The following ITPKB variants were observed in gnomAD, a reference collection of about 807,000 sequenced individuals.
ITPKB encodes the protein inositol-trisphosphate 3-kinase B.
Under a neutral mutation model 69.4 loss-of-function variants are expected in ITPKB, and 13 were observed. That is an observed-to-expected ratio of 0.19 (90% CI 0.12 to 0.30). The LOEUF (loss-of-function observed/expected upper bound fraction) is 0.30. ITPKB is among the 10% of genes least tolerant of loss of function. The pLI, the probability that ITPKB is intolerant of heterozygous loss-of-function variation, is 1.00. For missense variants in ITPKB, 1,240 were observed against 1,250.5 expected (o/e 0.99, Z 0.13); for synonymous variants, 584 against 513.7 (o/e 1.14, Z -1.85).
At chr1:226,636,838 C>T (rs1000257321) in intron 7 of ITPKB, among the ~76,000 whole-genome samples, 2 of 151,612 alleles carry the variant, frequency 1.3e-5, no homozygotes, top group African/African-American at 4.9e-5. Flanking sequence ...TGGGTGTGCA[C>T]ACAAAAATGT....
At position 226,738,128 on chromosome 1, in the gene ITPKB, G is replaced by C. The variant is rs1657866220; in HGVS notation, c.-205-465C>G. 6.6e-6 allele frequency among the ~76,000 whole-genome samples: 1 copy of C among 152,118 alleles called. No individual in the cohort carries two copies. The highest frequency in any genetic ancestry group is 2.4e-5 in the African/African-American group (1 of 41,428). On this transcript the variant is annotated intron_variant, in intron 1 of 7. Coordinates refer to ENST00000429204, the MANE Select transcript of ITPKB (RefSeq NM_002221.4). The surrounding 1 kb of genome is among the most constrained non-coding windows in gnomAD (Gnocchi z 4.2). Reference sequence around the variant, plus strand: ...TCGCCCTGGGCTTCAGGGTCTCCCTGCTCCACCCTCTCGGGGCATCAGAGA... The same window carrying C: ...TCGCCCTGGGCTTCAGGGTCTCCCTCCTCCACCCTCTCGGGGCATCAGAGA...
chr1:226,647,115 C>A, intron 4 of ITPKB, 52 bp downstream of exon 4: 2 of 1,546,880 alleles, frequency 1.3e-6, no homozygotes, highest in Non-Finnish European at 1.8e-6. Flanking sequence ...TGTGCACCTG[C>A]CATGTGGCTT....
Position 226,634,937 on chromosome 1 carries a change from C to T in ITPKB, c.2626-51G>A, listed in dbSNP as rs759742823. 6.9e-7 allele frequency: 1 copy of T among 1,454,508 alleles called. No homozygotes were observed. The highest frequency in any genetic ancestry group is 9.5e-7 in the Non-Finnish European group (1 of 1,055,902). 90.1% of individuals were successfully genotyped at this position (1,454,508 alleles called of 1,614,324 possible). On this transcript the variant is annotated intron_variant, in intron 7 of 7. Transcript: ENST00000429204. The surrounding 1 kb of genome is among the most constrained non-coding windows in gnomAD (Gnocchi z 6.3). ...TGAGCTGAAGCCCGGGCCTCGCCCT[C>T]CCCACTGCGGCCCGGGGCCTGGGTG...
intron 2 of ITPKB, among the ~76,000 whole-genome samples, chr1:226,684,369 GTCAACC>G (rs1656153896): frequency 2.0e-5 from 3 of 152,234 alleles, no homozygotes; most frequent in African/African-American, 7.2e-5. Flanking sequence ...GAGCAGAGCA[GTCAACC>G]TGTGCACCCC....
At chr1:226,683,573 G>A (rs1421343473) in intron 2 of ITPKB, among the ~76,000 whole-genome samples, 1 of 152,068 alleles carries the variant, frequency 6.6e-6, no homozygotes, top group Non-Finnish European at 1.5e-5. Context: ...AGGCCCTCCT[G>A]CTTGCTGTGT....
intron 2 of ITPKB, among the ~76,000 whole-genome samples, chr1:226,682,245 T>C (rs1656110209): frequency 6.6e-6 from 1 of 152,066 alleles, no homozygotes; most frequent in Admixed American, 6.5e-5. Flanking sequence ...CTCCCACATG[T>C]TTCCAAAGTG....
chr1:226,640,084 C>T (rs1668927337), intron 5 of ITPKB, among the ~76,000 whole-genome samples: 1 of 152,204 alleles, frequency 6.6e-6, no homozygotes, highest in Admixed American at 6.5e-5. Flanking sequence ...GAGGCACCTC[C>T]CCTCAGCACA....
chr1:226,715,072 A>G (rs1052836771), intron 2 of ITPKB, among the ~76,000 whole-genome samples: 1 of 152,266 alleles, frequency 6.6e-6, no homozygotes, highest in Non-Finnish European at 1.5e-5. Flanking sequence ...TGACTCTTCT[A>G]TTACTATGAT....
chr1:226,646,515 G>A (rs1424703264), intron 4 of ITPKB, among the ~76,000 whole-genome samples: 3 of 152,104 alleles, frequency 2.0e-5, no homozygotes, highest in African/African-American at 7.2e-5. Context: ...CCCTGGGCAG[G>A]TGTCAGGGTG....
At chr1:226,733,537 A>G (rs1400551301) in intron 2 of ITPKB, among the ~76,000 whole-genome samples, 1 of 152,136 alleles carries the variant, frequency 6.6e-6, no homozygotes, top group Non-Finnish European at 1.5e-5. Flanking sequence ...CTAGGATCCC[A>G]TAATTTCCAG....
In ITPKB at chr1:226,637,869, T is replaced by C; in HGVS notation, c.2554-119A>G. ...TGTGCTTTACCCTAAACGCCGGACA[T>C]CTAGAGGCAGCTTCCTGCGAGCAGG... is the stretch of plus-strand genomic sequence containing the variant. On this transcript the variant is annotated intron_variant, in intron 6 of 7. Coordinates refer to ENST00000429204, the MANE Select transcript of ITPKB (RefSeq NM_002221.4). This position sits in a 1 kb window ranked among gnomAD's most constrained non-coding sequence, Gnocchi z 4.3. The C allele has an allele frequency of 1.4e-6, 1 of 727,252 alleles. No homozygotes were observed. The highest frequency in any genetic ancestry group is 2.4e-6 in the Non-Finnish European group (1 of 411,916). 45.0% of individuals were successfully genotyped at this position (727,252 alleles called of 1,614,324 possible). A position where few individuals can be genotyped will look rare whatever the true frequency, so the allele number is the denominator to read the frequency against.
At chr1:226,671,591 CAT>C (rs1198093522) in intron 2 of ITPKB, among the ~76,000 whole-genome samples, 1 of 152,182 alleles carries the variant, frequency 6.6e-6, no homozygotes, top group Non-Finnish European at 1.5e-5. Flanking sequence ...CAAATAAAGA[CAT>C]ATTGCATCAG....
At position 226,736,062 on chromosome 1, in the gene ITPKB, A is replaced by G. The variant is rs997584012; in HGVS notation, c.1397T>C (p.Val466Ala). The G allele has an allele frequency of 4.3e-6, 7 of 1,613,066 alleles. No individual in the cohort carries two copies. The Admixed American group carries it at 8.3e-5, about 19-fold the overall frequency. Residue 466 changes from valine (V) to alanine (A), a missense_variant, in exon 2 of 8, where the codon GTG becomes GCG. Val to Ala is a moderately conservative substitution (Grantham distance 64). Around this residue, in one of 2 missense-constraint regions of ITPKB, gnomAD observed 992 missense variants for 853.8 expected, o/e 1.16. Coordinates refer to ENST00000429204, the MANE Select transcript of ITPKB (RefSeq NM_002221.4). ...SPSAQPGTGN[V>A]EAGIPSGRML... The stretch of plus-strand genomic sequence containing the variant: ...TCTGCCAGAAGGAATTCCCGCCTCC[A>G]CATTCCCGGTCCCCGGCTGTGCTGA...
intron 2 of ITPKB, among the ~76,000 whole-genome samples, chr1:226,660,035 A>G (rs1669371630): frequency 6.6e-6 from 1 of 152,220 alleles, no homozygotes; most frequent in African/African-American, 2.4e-5. Flanking sequence ...CCAAGTAACA[A>G]GAGGGGGCAT....
At chr1:226,725,790 AG>A (rs1249967498) in intron 2 of ITPKB, among the ~76,000 whole-genome samples, 1 of 152,222 alleles carries the variant, frequency 6.6e-6, no homozygotes, top group East Asian at 1.9e-4. Flanking sequence ...ATGGTCACAC[AG>A]GCAAGAGGAG....
intron 2 of ITPKB, among the ~76,000 whole-genome samples, chr1:226,721,026 A>C (rs1384683546): frequency 7.3e-6 from 1 of 137,574 alleles, no homozygotes; most frequent in East Asian, 2.2e-4. Flanking sequence ...TGGGCGACAG[A>C]TCAAGACTCC....
rs1315341419 is a variant in ITPKB at position 226,641,827 on chromosome 1, G to A, written c.2451+94C>T. On this transcript the variant is annotated intron_variant, in intron 5 of 7. Transcript: ENST00000429204. The surrounding 1 kb of genome is among the most constrained non-coding windows in gnomAD (Gnocchi z 4.6). ...CCCACATTCTGAGCCTGTGCCTGGA[G>A]AAGCTTACAGCTTCCAAAGGGCGCT... The A allele has an allele frequency of 1.1e-5, 13 of 1,168,626 alleles. No homozygotes were observed. In the African/African-American group the frequency reaches 1.5e-4, roughly 14 times the overall value. The allele number at this position is 1,168,626 out of a possible 1,614,324, so 72.4% of individuals were successfully genotyped here. A position where few individuals can be genotyped will look rare whatever the true frequency, so the allele number is the denominator to read the frequency against.
intron 2 of ITPKB, among the ~76,000 whole-genome samples, chr1:226,718,173 A>C (rs1657140380): frequency 6.6e-6 from 1 of 152,048 alleles, no homozygotes; most frequent in African/African-American, 2.4e-5. Context: ...GGGCACCTGT[A>C]GTCCCAGCTA....
At chr1:226,655,194 C>T (rs968417188) in intron 2 of ITPKB, among the ~76,000 whole-genome samples, 3 of 152,186 alleles carry the variant, frequency 2.0e-5, no homozygotes, top group Non-Finnish European at 4.4e-5. Flanking sequence ...ACCCCACTTA[C>T]AAAATGCTTT....
Sources: allele counts gnomAD v4.1 joint callset (sites outside exome capture counted in the v4.1 genomes callset), GRCh38; gene constraint gnomAD v4.1.1; regional missense constraint gnomAD v4.1.1; non-coding constraint Gnocchi (gnomAD v3.1); transcripts MANE v1.5; gene names NCBI Gene and HGNC (gene_info 2026-07-23, HGNC 2026-07-21).